The following DYNC1I1 variants were observed in gnomAD, a reference collection of about 807,000 sequenced individuals.
DYNC1I1 encodes dynein cytoplasmic 1 intermediate chain 1.
In DYNC1I1, 43 loss-of-function variants were observed where a neutral mutation model predicts 86.6. The observed-to-expected ratio is 0.50, with a 90% confidence interval of 0.39 to 0.64. The LOEUF (loss-of-function observed/expected upper bound fraction) is 0.64. Ranked by LOEUF, DYNC1I1 falls within the 30% of genes least tolerant of loss-of-function variation. The pLI is 0.00. For missense variants in DYNC1I1, 604 were observed against 788.8 expected, an observed-to-expected ratio of 0.77 and a Z score of 2.81; for synonymous variants, 262 against 283.7, an observed-to-expected ratio of 0.92 and a Z score of 0.77.
intron 10 of DYNC1I1, among the ~76,000 whole-genome samples, chr7:96,025,007 C>A (rs1794642667): frequency 6.6e-6 from 1 of 151,908 alleles, no homozygotes; most frequent in Non-Finnish European, 1.5e-5. Context: ...CCCTCATTGT[C>A]CAAACTGTAG....
chr7:95,837,849 C>G (rs1019879375), intron 5 of DYNC1I1, among the ~76,000 whole-genome samples: 4 of 152,276 alleles, frequency 2.6e-5, no homozygotes, highest in Admixed American at 6.5e-5. Flanking sequence ...CGCGCACCCA[C>G]TGACCTGCGT....
chr7:95,832,590 G>A (rs1788943484), intron 5 of DYNC1I1, among the ~76,000 whole-genome samples: 1 of 152,082 alleles, frequency 6.6e-6, no homozygotes. Context: ...CACCAACAGT[G>A]TAAAAGTATT....
At chr7:96,107,817 C>T (rs1256754506) in intron 16 of DYNC1I1, among the ~76,000 whole-genome samples, 4 of 151,718 alleles carry the variant, frequency 2.6e-5, no homozygotes, top group East Asian at 3.9e-4. Flanking sequence ...TGAGCCACCA[C>T]GCCCGGCCTT....
At chr7:96,024,445 G>T (rs923999060) in intron 10 of DYNC1I1, among the ~76,000 whole-genome samples, 4 of 151,998 alleles carry the variant, frequency 2.6e-5, no homozygotes, top group Non-Finnish European at 5.9e-5. Context: ...GTAATTCTAA[G>T]ACATTAACAT....
chr7:95,871,802 G>A (rs1416998082), intron 6 of DYNC1I1, among the ~76,000 whole-genome samples: 1 of 152,178 alleles, frequency 6.6e-6, no homozygotes, highest in Non-Finnish European at 1.5e-5. Flanking sequence ...CAAGCAGCAG[G>A]AAAGGGGGAA....
intron 4 of DYNC1I1, among the ~76,000 whole-genome samples, chr7:95,821,125 A>C (rs944867312): frequency 6.6e-6 from 1 of 152,238 alleles, no homozygotes; most frequent in Non-Finnish European, 1.5e-5. Flanking sequence ...ATCTACAGAA[A>C]AGCCAGGTAA....
At chr7:95,974,561 G>A (rs1339921631) in intron 6 of DYNC1I1, among the ~76,000 whole-genome samples, 2 of 152,114 alleles carry the variant, frequency 1.3e-5, no homozygotes, top group Non-Finnish European at 2.9e-5. Context: ...AGCAAGTGGT[G>A]GACTCCAGCC....
rs57130883 is a variant in DYNC1I1 at position 95,794,648 on chromosome 7, G to T, written c.-9-10073G>T. Among the ~76,000 whole-genome samples, 830 of 151,672 alleles carry T rather than the reference G, an allele frequency of 5.5e-3. 3 individuals are homozygous for T. The highest frequency in any genetic ancestry group is 0.019 in the African/African-American group (769 of 40,986). On this transcript the variant is annotated intron_variant, in intron 1 of 16. Transcript: ENST00000447467. Reference sequence around the variant, plus strand: ...AGCATAATGGGCCTCTGTACTGAGGGCTCGAGAGCCTCTCCTGTTTAATGT... The same window carrying T: ...AGCATAATGGGCCTCTGTACTGAGGTCTCGAGAGCCTCTCCTGTTTAATGT...
chr7:95,905,545 T>G (rs967610627), intron 6 of DYNC1I1, among the ~76,000 whole-genome samples: 2 of 152,208 alleles, frequency 1.3e-5, no homozygotes, highest in Non-Finnish European at 2.9e-5. Flanking sequence ...ATTGCCCTTC[T>G]TCTTTCCTGA....
chr7:96,064,590 G>T (rs1584292095), intron 14 of DYNC1I1, among the ~76,000 whole-genome samples: 1 of 151,938 alleles, frequency 6.6e-6, no homozygotes, highest in African/African-American at 2.4e-5. Flanking sequence ...CAAAGTGAGG[G>T]GAAAGGTTCT....
chr7:95,933,132 C>T, intron 6 of DYNC1I1, among the ~76,000 whole-genome samples: 1 of 152,104 alleles, frequency 6.6e-6, no homozygotes, highest in Non-Finnish European at 1.5e-5. Context: ...ATCCTCCCAC[C>T]TTGGCCTCCC....
At chr7:95,890,364 G>A (rs1450357259) in intron 6 of DYNC1I1, among the ~76,000 whole-genome samples, 1 of 152,114 alleles carries the variant, frequency 6.6e-6, no homozygotes, top group Non-Finnish European at 1.5e-5. Flanking sequence ...CACTTTAAGT[G>A]GGACTTAAAT....
intron 5 of DYNC1I1, among the ~76,000 whole-genome samples, chr7:95,842,223 C>G (rs776067641): frequency 6.6e-5 from 10 of 152,134 alleles, no homozygotes; most frequent in Non-Finnish European, 1.5e-4. Context: ...ATTAAGAGTC[C>G]TTTATTAGCC....
At chr7:96,002,836 T>G (rs1794046318) in intron 10 of DYNC1I1, among the ~76,000 whole-genome samples, 1 of 151,658 alleles carries the variant, frequency 6.6e-6, no homozygotes, top group Non-Finnish European at 1.5e-5. Context: ...TGGGTTTTTT[T>G]TGTGTTTTTT....
At chr7:95,830,538 A>G (rs976448880) in intron 5 of DYNC1I1, among the ~76,000 whole-genome samples, 13 of 152,188 alleles carry the variant, frequency 8.5e-5, no homozygotes, top group Admixed American at 6.5e-4. Flanking sequence ...AAGTTTATAT[A>G]AACAGCTCTA....
chr7:95,802,285 CCT>C (rs980470369), intron 1 of DYNC1I1, among the ~76,000 whole-genome samples: 2 of 152,276 alleles, frequency 1.3e-5, no homozygotes, highest in African/African-American at 4.8e-5. Context: ...ACTGGACCTT[CCT>C]TTTTTGCTTC....
At chr7:95,853,134 T>C (rs951538644) in intron 5 of DYNC1I1, among the ~76,000 whole-genome samples, 1 of 152,232 alleles carries the variant, frequency 6.6e-6, no homozygotes, top group Non-Finnish European at 1.5e-5. Flanking sequence ...AGATACTTGA[T>C]AAGATTTTAG....
chr7:96,038,325 T>G (rs1362359912), intron 13 of DYNC1I1, among the ~76,000 whole-genome samples: 1 of 152,222 alleles, frequency 6.6e-6, no homozygotes, highest in South Asian at 2.1e-4. Flanking sequence ...TATAACCTCA[T>G]GCACATGAAT....
chr7:95,903,520 C>A (rs1791094542), intron 6 of DYNC1I1, among the ~76,000 whole-genome samples: 1 of 152,116 alleles, frequency 6.6e-6, no homozygotes, highest in African/African-American at 2.4e-5. Context: ...AAAAGATAGA[C>A]CCACACACAA....
Sources: gnomAD v4.1 joint callset for allele counts (sites outside exome capture counted in the v4.1 genomes callset) on GRCh38, gnomAD v4.1.1 for gene constraint, MANE v1.5 for transcripts, NCBI Gene and HGNC (gene_info 2026-07-23, HGNC 2026-07-21) for gene names.